The following CDKN2C variants were observed in gnomAD, a reference collection of about 807,000 sequenced individuals.
CDKN2C encodes the protein cyclin dependent kinase inhibitor 2C.
In CDKN2C, 5 loss-of-function variants were observed where a neutral mutation model predicts 11.0. The ratio of observed to expected loss-of-function variants is 0.45; its 90% CI spans 0.24 to 0.95. The LOEUF (loss-of-function observed/expected upper bound fraction) is 0.95. Ranked by LOEUF, CDKN2C falls within the 40% of genes least tolerant of loss-of-function variation. The pLI is 0.21. For missense variants in CDKN2C, 161 were observed against 211.9 expected (o/e 0.76, Z 1.49); for synonymous variants, 79 against 88.3 (o/e 0.89, Z 0.59).
At position 50,974,521 on chromosome 1, in the gene CDKN2C, T is replaced by C; in HGVS notation, c.*251T>C. 1 of 377,866 alleles carries C rather than the reference T, an allele frequency of 2.6e-6. No individual in the cohort carries two copies. The highest frequency in any genetic ancestry group is 4.7e-6 in the Non-Finnish European group (1 of 212,610). 23.4% of individuals were successfully genotyped at this position (377,866 alleles called of 1,614,324 possible). ...TTTCTTCTGAATATTTTATCTTTCC[T>C]TGGCTTTTCCCTTGCTTCCCCTTTT... On this transcript the variant is annotated 3_prime_UTR_variant, in exon 2 of 2. Coordinates refer to ENST00000371761, the MANE Select transcript of CDKN2C (RefSeq NM_078626.3).
chr1:50,973,705 A>G (rs1328004585), intron 1 of CDKN2C, among the ~76,000 whole-genome samples, 188 bp from the exon 2 acceptor site: 3 of 152,154 alleles, frequency 2.0e-5, no homozygotes, highest in Non-Finnish European at 4.4e-5. Flanking sequence ...AATTTTTAGA[A>G]GTTGTCTTCT....
At chr1:50,961,365 G>C (rs1425318867) in intron 1 of CDKN2C, among the ~76,000 whole-genome samples, 1 of 152,140 alleles carries the variant, frequency 6.6e-6, no homozygotes, top group Non-Finnish European at 1.5e-5. Flanking sequence ...AATTATTTTG[G>C]AATATTCACC....
At chr1:50,973,030 T>A (rs1645388699) in intron 1 of CDKN2C, among the ~76,000 whole-genome samples, 1 of 152,266 alleles carries the variant, frequency 6.6e-6, no homozygotes, top group South Asian at 2.1e-4. Context: ...TGTAATAGGG[T>A]GACTATTTCA....
rs537858214 is a variant in CDKN2C, at chr1:50,974,058, G to A, written c.295G>A (p.Glu99Lys). ...GGAGTTTCAAGCTGATGTTAACATCGAGGATAATGAAGGGAACCTGCCCTT... is the reference window on the plus strand; with the variant it reads ...GGAGTTTCAAGCTGATGTTAACATCAAGGATAATGAAGGGAACCTGCCCTT... ...LLEFQADVNI[E>K]DNEGNLPLHL... Residue 99 changes from glutamate (E) to lysine (K), a missense_variant, in exon 2 of 2, where the codon GAG (glutamate) becomes AAG (lysine). Coordinates refer to ENST00000371761, the MANE Select transcript of CDKN2C (RefSeq NM_078626.3). 2.5e-5 allele frequency: 40 copies of A among 1,614,148 alleles called. No homozygotes were observed. The South Asian group carries it at 3.3e-4, about 13-fold the overall frequency.
At chr1:50,973,767 A>G (rs1645392147) in intron 1 of CDKN2C, 126 bp from the exon 2 acceptor site, 15 of 1,168,896 alleles carry the variant, frequency 1.3e-5, no homozygotes, top group Non-Finnish European at 1.8e-5. Flanking sequence ...GCCCCATCCT[A>G]TGGGTCTTCC....
At chr1:50,965,059 T>TAGAC (rs1645341421) in intron 1 of CDKN2C, among the ~76,000 whole-genome samples, 1 of 143,330 alleles carries the variant, frequency 7.0e-6, no homozygotes, top group South Asian at 2.3e-4. Context: ...CTCAAAAATA[T>TAGAC]AGATAGATAG....
Position 50,973,956 on chromosome 1 carries a change from T to A in CDKN2C, c.193T>A (p.Leu65Met), listed in dbSNP as rs1457406133. 1 of 1,614,124 alleles carries A rather than the reference T, an allele frequency of 6.2e-7. No individual in the cohort carries two copies. Among genetic ancestry groups the A allele is most frequent in the Non-Finnish European group, 8.5e-7 (1 of 1,180,050 alleles). The change falls in exon 2 of 2, where the codon TTG becomes ATG. Residue 65 changes from leucine (L) to methionine (M), a missense_variant. Leu to Met is a conservative substitution (Grantham distance 15, BLOSUM62 2). Transcript: ENST00000371761. ...GCTACTTAGAGGTGCTAATCCCGATTTGAAAGACCGAACTGGTTTCGCTGT... is the reference window on the plus strand; with the variant it reads ...GCTACTTAGAGGTGCTAATCCCGATATGAAAGACCGAACTGGTTTCGCTGT... ...RLLLRGANPDLKDRTGFAVIH... is the reference protein window; with the variant it reads ...RLLLRGANPDMKDRTGFAVIH...
At position 50,974,455 on chromosome 1, in the gene CDKN2C, T is replaced by C. The variant is rs767199601; in HGVS notation, c.*185T>C. 2.0e-6 allele frequency: 1 copy of C among 507,822 alleles called. No individual in the cohort carries two copies. Among genetic ancestry groups the C allele is most frequent in the Non-Finnish European group, 3.3e-6 (1 of 301,422 alleles). The allele number at this position is 507,822 out of a possible 1,614,324, so 31.5% of individuals were successfully genotyped here. A position where few individuals can be genotyped will look rare whatever the true frequency, so the allele number is the denominator to read the frequency against. On this transcript the variant is annotated 3_prime_UTR_variant, in exon 2 of 2. Coordinates refer to ENST00000371761, the MANE Select transcript of CDKN2C (RefSeq NM_078626.3). ...ATATTTAAGCAACATCTTTTTAACC[T>C]GCAAAATCTGTTCTAACATGTAATT... is the stretch of plus-strand genomic sequence containing the variant.
upstream of CDKN2C, chr1:50,970,194 C>A: frequency 4.2e-6 from 3 of 717,922 alleles, no homozygotes; most frequent in Non-Finnish European, 6.8e-6. Context: ...AATCGAGGGG[C>A]GGGCTTTTGG....
intron 1 of CDKN2C, 128 bp from the exon 2 acceptor site, chr1:50,973,765 C>A: frequency 1.7e-6 from 2 of 1,144,284 alleles, no homozygotes; most frequent in Non-Finnish European, 2.6e-6. Flanking sequence ...AAGCCCCATC[C>A]TATGGGTCTT....
chr1:50,970,547 G>A, intron 1 of CDKN2C, 50 bp downstream of exon 1: 1 of 1,606,972 alleles, frequency 6.2e-7, no homozygotes, highest in Non-Finnish European at 8.5e-7. Context: ...TTGCCTACGT[G>A]ACCCGGGTTT....
chr1:50,965,540 T>C (rs1645343983), upstream of CDKN2C, among the ~76,000 whole-genome samples: 1 of 151,066 alleles, frequency 6.6e-6, no homozygotes, highest in Non-Finnish European at 1.5e-5. Context: ...TAAGACCCCA[T>C]CTCCACAAAA....
intron 1 of CDKN2C, among the ~76,000 whole-genome samples, chr1:50,963,448 C>T (rs1375940314): frequency 1.3e-5 from 2 of 152,222 alleles, no homozygotes; most frequent in East Asian, 1.9e-4. Flanking sequence ...ACAACTACTA[C>T]TTTACAGAAT....
At chr1:50,965,284 G>A (rs1645342981), upstream of CDKN2C, among the ~76,000 whole-genome samples, 1 of 151,982 alleles carries the variant, frequency 6.6e-6, no homozygotes. Flanking sequence ...CAGATCATGA[G>A]GTCAGGAGAT....
intron 1 of CDKN2C, among the ~76,000 whole-genome samples, chr1:50,963,298 T>C (rs961280849): frequency 1.3e-5 from 2 of 152,266 alleles, no homozygotes; most frequent in Non-Finnish European, 2.9e-5. Context: ...CTTTATGCCA[T>C]GTGTTTTTAT....
chr1:50,972,531 C>G (rs894753661), intron 1 of CDKN2C, among the ~76,000 whole-genome samples: 18 of 151,898 alleles, frequency 1.2e-4, no homozygotes, highest in Non-Finnish European at 1.5e-5. Flanking sequence ...CATTGAGTGT[C>G]TATTATACAA....
chr1:50,965,370 C>T (rs559155905), upstream of CDKN2C, among the ~76,000 whole-genome samples: 12 of 151,846 alleles, frequency 7.9e-5, no homozygotes, highest in Admixed American at 3.3e-4. Flanking sequence ...TGGTAGTGGG[C>T]GCCTGTAATC....
rs372401911 is a variant in CDKN2C at position 50,970,507 on chromosome 1, A to G, written c.129+10A>G. 2.2e-5 allele frequency: 36 copies of G among 1,613,990 alleles called. No homozygotes were observed. The highest frequency in any genetic ancestry group is 8.3e-5 in the Admixed American group (5 of 60,002). ...AAGGACTGCGCTGCAGGTTGGTATT[A>G]AGAGAGGTGGGGAAAACAAGTCAAT... On this transcript the variant is annotated intron_variant, in intron 1 of 1. Coordinates refer to ENST00000371761, the MANE Select transcript of CDKN2C (RefSeq NM_078626.3).
chr1:50,961,691 A>T (rs747801016), intron 1 of CDKN2C, among the ~76,000 whole-genome samples: 5 of 152,156 alleles, frequency 3.3e-5, no homozygotes, highest in South Asian at 2.1e-4. Flanking sequence ...AACTTTTTAA[A>T]CTTGTATCAT....
Sources: gnomAD v4.1 joint callset for allele counts (sites outside exome capture counted in the v4.1 genomes callset) on GRCh38, gnomAD v4.1.1 for gene constraint, MANE v1.5 for transcripts, NCBI Gene and HGNC (gene_info 2026-07-23, HGNC 2026-07-21) for gene names.